Variants in OCSTAMP observed in about 807,000 individuals in gnomAD.
The protein encoded by OCSTAMP is transmembrane protein C20orf123.
Under a neutral mutation model 25.2 loss-of-function variants are expected in OCSTAMP, and 17 were observed. The ratio of observed to expected loss-of-function variants is 0.68; its 90% CI spans 0.46 to 1.01. The LOEUF (loss-of-function observed/expected upper bound fraction) is 1.01, where lower values mean the gene tolerates loss of function less well. OCSTAMP is among the 50% of genes least tolerant of loss of function. The pLI, the probability that OCSTAMP is intolerant of heterozygous loss-of-function variation, is 0.00. For synonymous variants in OCSTAMP, 345 were observed against 318.9 expected, an observed-to-expected ratio of 1.08 and a Z score of -0.87; for missense variants, 664 against 694.6, an observed-to-expected ratio of 0.96 and a Z score of 0.50.
At chr20:46,544,141 G>A (rs892389709) in intron 2 of OCSTAMP, among the ~76,000 whole-genome samples, 2 of 152,224 alleles carry the variant, frequency 1.3e-5, no homozygotes, top group Admixed American at 1.3e-4. Context: ...GCTCGTTTGA[G>A]CCAGGAGGTC....
chr20:46,541,919 GT>G lies in OCSTAMP; in HGVS notation c.1055del (p.Tyr352SerfsTer112). 7.0e-7 allele frequency: 1 copy of G among 1,429,984 alleles called. No individual in the cohort carries two copies. Among genetic ancestry groups the G allele is most frequent in the Non-Finnish European group, 9.2e-7 (1 of 1,092,038 alleles). 88.6% of individuals were successfully genotyped at this position (1,429,984 alleles called of 1,614,324 possible). ...ITLTVKYDVA[Y>X]TVLGFIPFLF... ...GGAAAGGGATGAAGCCCAGGACAGT[GT>G]ATGCCACCTTGGGAAAGGAGAAAAA... On this transcript the variant is annotated frameshift_variant, in exon 3 of 3. Transcript: ENST00000279028. LOFTEE classifies it low-confidence loss of function (END_TRUNC).
Position 46,541,631 on chromosome 20 carries a change from C to T in OCSTAMP, c.1344G>A (p.Arg448=), listed in dbSNP as rs781298538. Residue 448 remains arginine, a synonymous_variant, in exon 3 of 3, where the codon CGG becomes CGA. Transcript: ENST00000279028. ...EARRVRHLHA[R]LQRRHDRHQG... is the part of the protein sequence containing the mutation. Reference sequence around the variant, plus strand: ...GGTGCCTGTCGTGTCTTCGCTGGAGCCGGGCGTGCAGGTGGCGGACCCTCC... The same window carrying T: ...GGTGCCTGTCGTGTCTTCGCTGGAGTCGGGCGTGCAGGTGGCGGACCCTCC... 1.9e-6 allele frequency: 3 copies of T among 1,551,332 alleles called. No homozygotes were observed. The highest frequency in any genetic ancestry group is 2.6e-6 in the Non-Finnish European group (3 of 1,146,974).
In OCSTAMP at chr20:46,541,772, G is replaced by T. The variant is rs924389634; in HGVS notation, c.1203C>A (p.Ala401=). 1 of 1,521,282 alleles carries T rather than the reference G, an allele frequency of 6.6e-7. No homozygotes were observed. The highest frequency in any genetic ancestry group is 2.2e-5 in the Admixed American group (1 of 44,994). The allele number at this position is 1,521,282 out of a possible 1,614,324, so 94.2% of individuals were successfully genotyped here. A position where few individuals can be genotyped will look rare whatever the true frequency, so the allele number is the denominator to read the frequency against. The change falls in exon 3 of 3, where the codon GCC becomes GCA. Residue 401 remains alanine (A), a synonymous_variant. Transcript: ENST00000279028. ...GCTGCAGGGCCCCCGCGGCCAGCGG[G>T]GCAGCTGCGCGGGGACGCCGGGCGG... The part of the protein sequence containing the change: ...LLPARRPRAA[A]PLAAGALQLL...
rs1224215117 is a variant in OCSTAMP, at chr20:46,546,297, G to A, written c.77C>T (p.Ala26Val). 2 of 1,549,692 alleles carry A rather than the reference G, an allele frequency of 1.3e-6. No homozygotes were observed. The highest frequency in any genetic ancestry group is 1.7e-6 in the Non-Finnish European group (2 of 1,146,758). The change falls in exon 2 of 3, where the codon GCC becomes GTC. Residue 26 changes from alanine (A) to valine (V), a missense_variant. Transcript: ENST00000279028. ...WRSWHLGFWK[A>V]LAPLQAAWDA... ...CCAGGCAGCCTGCAGTGGGGCAAGG[G>A]CCTTCCAGAACCCCAAGTGCCAGGA...
In OCSTAMP at chr20:46,541,469, C is replaced by T. The variant is rs1460388348; in HGVS notation, c.1506G>A (p.Trp502Ter). 3.9e-6 allele frequency: 6 copies of T among 1,550,362 alleles called. No individual in the cohort carries two copies. Among genetic ancestry groups the T allele is most frequent in the Non-Finnish European group, 5.2e-6 (6 of 1,145,816 alleles). ...GGTTACAACTCAGGTCTCTGCAACT[C>T]CAAAGCTCTTTCCCTTCTCCCTCAC... is the stretch of plus-strand genomic sequence containing the variant. The part of the protein sequence containing the change: ...ESSEGEGKEL[W>*]SCRDLSCNLG... The change falls in exon 3 of 3, where the codon TGG (tryptophan) becomes TGA (stop). Residue 502 changes from tryptophan to a stop codon, truncating the protein, a stop_gained. Transcript: ENST00000279028. LOFTEE classifies it low-confidence loss of function (END_TRUNC).
At chr20:46,542,012 T>G (rs2061836222) in intron 2 of OCSTAMP, 85 bp from the exon 3 acceptor site, 2 of 1,360,206 alleles carry the variant, frequency 1.5e-6, no homozygotes, top group East Asian at 5.7e-5. Context: ...CAGCTTTCCC[T>G]GCCTTCATCT....
At position 46,541,915 on chromosome 20, in the gene OCSTAMP, C is replaced by A; in HGVS notation, c.1060G>T (p.Val354Phe). The change falls in exon 3 of 3, where the codon GTC becomes TTC. Residue 354 changes from valine (V) to phenylalanine (F), a missense_variant. Coordinates refer to ENST00000279028, the MANE Select transcript of OCSTAMP (RefSeq NM_080721.3). ...AAGAGGAAAGGGATGAAGCCCAGGA[C>A]AGTGTATGCCACCTTGGGAAAGGAG... The part of the protein sequence containing the change: ...LTVKYDVAYT[V>F]LGFIPFLFNQ... 7.0e-7 allele frequency: 1 copy of A among 1,433,516 alleles called. No homozygotes were observed. Among genetic ancestry groups the A allele is most frequent in the Non-Finnish European group, 9.1e-7 (1 of 1,093,848 alleles). 88.8% of individuals were successfully genotyped at this position (1,433,516 alleles called of 1,614,324 possible).
chr20:46,548,355 T>A (rs1349269069), intron 1 of OCSTAMP, among the ~76,000 whole-genome samples: 1 of 152,222 alleles, frequency 6.6e-6, no homozygotes, highest in Non-Finnish European at 1.5e-5. Context: ...TCCGTTTTGG[T>A]CACTGATATG....
rs1186763971 is a variant in OCSTAMP at position 46,546,136 on chromosome 20, G to A, written c.238C>T (p.Pro80Ser). ...CAGACAGTGGCAACCATGGCTGAAGGTCCAGGAGGATAAAGCAGCAAGGAT... is the reference window on the plus strand; with the variant it reads ...CAGACAGTGGCAACCATGGCTGAAGATCCAGGAGGATAAAGCAGCAAGGAT... ...LASLLLYPPG[P>S]SAMVATVCGL... Residue 80 changes from proline (P) to serine (S), a missense_variant, in exon 2 of 3, where the codon CCT (proline) becomes TCT (serine). By Grantham distance (74) the Pro-to-Ser change is moderately conservative (BLOSUM62 -1). Transcript: ENST00000279028. 6 of 1,551,660 alleles carry A rather than the reference G, an allele frequency of 3.9e-6. No individual in the cohort carries two copies. The East Asian group carries it at 1.2e-4, about 32-fold the overall frequency.
chr20:46,549,961 C>G (rs1317189101), intron 1 of OCSTAMP, among the ~76,000 whole-genome samples: 6 of 152,064 alleles, frequency 3.9e-5, no homozygotes, highest in Admixed American at 1.3e-4. Flanking sequence ...TATCCACTAC[C>G]CACCTTTGAC....
Position 46,545,385 on chromosome 20 carries a change from G to A in OCSTAMP, c.989C>T (p.Thr330Ile). 1 of 1,533,634 alleles carries A rather than the reference G, an allele frequency of 6.5e-7. No homozygotes were observed. The highest frequency in any genetic ancestry group is 1.4e-5 in the African/African-American group (1 of 72,412). ...DHVAFLLAQA[T>I]VDWAQKLPTV... ...TGGCAACTTCTGAGCCCAGTCCACA[G>A]TAGCCTGTGCCAGGAGGAAGGCTAC... Residue 330 changes from threonine to isoleucine, a missense_variant, in exon 2 of 3, where the codon ACT becomes ATT. By Grantham distance (89) the Thr-to-Ile change is moderately conservative. Coordinates refer to ENST00000279028, the MANE Select transcript of OCSTAMP (RefSeq NM_080721.3).
Position 46,545,481 on chromosome 20 carries a change from C to T in OCSTAMP, c.893G>A (p.Ser298Asn). ...QLRLSQEELLSCLLRLGLLAL... is the reference protein window; with the variant it reads ...QLRLSQEELLNCLLRLGLLAL... Reference sequence around the variant, plus strand: ...AAGCAGCCCCAGCCTTAGAAGACAACTCAACAGCTCCTCCTGTGACAGCCT... The same window carrying T: ...AAGCAGCCCCAGCCTTAGAAGACAATTCAACAGCTCCTCCTGTGACAGCCT... Residue 298 changes from serine to asparagine, a missense_variant, in exon 2 of 3, where the codon AGT becomes AAT. By Grantham distance (46) the Ser-to-Asn change is conservative. Transcript: ENST00000279028. 1.9e-6 allele frequency: 3 copies of T among 1,551,532 alleles called. No homozygotes were observed. The highest frequency in any genetic ancestry group is 2.6e-6 in the Non-Finnish European group (3 of 1,146,938).
Position 46,546,048 on chromosome 20 carries a change from C to G in OCSTAMP, c.326G>C (p.Ser109Thr). The G allele has an allele frequency of 2.6e-6, 4 of 1,551,600 alleles. No homozygotes were observed. The highest frequency in any genetic ancestry group is 3.5e-6 in the Non-Finnish European group (4 of 1,147,006). ...CTGCTCCATACCCAGGGTGGGCACGCTGAGTGCAAACAGGCAGCGGACTGG... is the reference window on the plus strand; with the variant it reads ...CTGCTCCATACCCAGGGTGGGCACGGTGAGTGCAAACAGGCAGCGGACTGG... ...VPPVRCLFAL[S>T]VPTLGMEQGR... The change falls in exon 2 of 3, where the codon AGC (serine) becomes ACC (threonine). Residue 109 changes from serine to threonine, a missense_variant. By Grantham distance (58) the Ser-to-Thr change is moderately conservative (BLOSUM62 1). Coordinates refer to ENST00000279028, the MANE Select transcript of OCSTAMP (RefSeq NM_080721.3).
Position 46,545,397 on chromosome 20 carries a change from A to G in OCSTAMP, c.977T>C (p.Leu326Pro). 1 of 1,541,644 alleles carries G rather than the reference A, an allele frequency of 6.5e-7. No homozygotes were observed. Among genetic ancestry groups the G allele is most frequent in the Non-Finnish European group, 8.7e-7 (1 of 1,143,438 alleles). The change falls in exon 2 of 3, where the codon CTG (leucine) becomes CCG (proline). Residue 326 changes from leucine (L) to proline (P), a missense_variant. Coordinates refer to ENST00000279028, the MANE Select transcript of OCSTAMP (RefSeq NM_080721.3). ...AVATDHVAFL[L>P]AQATVDWAQK... ...AGCCCAGTCCACAGTAGCCTGTGCC[A>G]GGAGGAAGGCTACATGGTCTGTGGC... is the stretch of plus-strand genomic sequence containing the variant.
chr20:46,544,151 C>A (rs2061843976), intron 2 of OCSTAMP, among the ~76,000 whole-genome samples: 1 of 152,156 alleles, frequency 6.6e-6, no homozygotes, highest in Non-Finnish European at 1.5e-5. Context: ...GCCAGGAGGT[C>A]AAGGTTACAG....
At chr20:46,546,529 A>G (rs1313456700) in intron 1 of OCSTAMP, among the ~76,000 whole-genome samples, 200 bp from the exon 2 acceptor site, 1 of 152,030 alleles carries the variant, frequency 6.6e-6, no homozygotes, top group Non-Finnish European at 1.5e-5. Context: ...CCCCAGGATT[A>G]CTCTCGCTGG....
intron 1 of OCSTAMP, among the ~76,000 whole-genome samples, chr20:46,550,290 G>C (rs1056397925): frequency 2.6e-5 from 4 of 152,190 alleles, no homozygotes; most frequent in Non-Finnish European, 4.4e-5. Flanking sequence ...CAGGTGCCAA[G>C]TACTAAGCAT....
At position 46,545,546 on chromosome 20, in the gene OCSTAMP, C is replaced by A; in HGVS notation, c.828G>T (p.Leu276=). 1 of 1,551,562 alleles carries A rather than the reference C, an allele frequency of 6.4e-7. No individual in the cohort carries two copies. Among genetic ancestry groups the A allele is most frequent in the South Asian group, 1.2e-5 (1 of 84,042 alleles). The change falls in exon 2 of 3, where the codon CTG becomes CTT. Residue 276 remains leucine (L), a synonymous_variant. Coordinates refer to ENST00000279028, the MANE Select transcript of OCSTAMP (RefSeq NM_080721.3). ...RLAQAQATHL[L]APPPTWLLQA... ...GGAGCAGCCAGGTGGGTGGAGGGGCCAGGAGGTGTGTAGCCTGGGCCTGTG... is the reference window on the plus strand; with the variant it reads ...GGAGCAGCCAGGTGGGTGGAGGGGCAAGGAGGTGTGTAGCCTGGGCCTGTG...
At chr20:46,547,444 G>A (rs1375274376) in intron 1 of OCSTAMP, among the ~76,000 whole-genome samples, 2 of 152,186 alleles carry the variant, frequency 1.3e-5, no homozygotes, top group African/African-American at 4.8e-5. Flanking sequence ...CCAAGGACAT[G>A]CCTCAAGGCG....
Sources: gnomAD v4.1 joint callset for allele counts (sites outside exome capture counted in the v4.1 genomes callset) on GRCh38, gnomAD v4.1.1 for gene constraint, MANE v1.5 for transcripts, NCBI Gene and HGNC (gene_info 2026-07-23, HGNC 2026-07-21) for gene names.